ADGRE1: variants seen among roughly 807,000 people sequenced by gnomAD.
The protein encoded by ADGRE1 is adhesion G protein-coupled receptor E1, also known as EGF-like module receptor 1.
Under a neutral mutation model 102.7 loss-of-function variants are expected in ADGRE1, and 82 were observed. The observed-to-expected ratio is 0.80, with a 90% CI of 0.67 to 0.96. The LOEUF is 0.96. Ranked by LOEUF, ADGRE1 falls within the 40% of genes least tolerant of loss-of-function variation. ADGRE1 has a pLI of 0.00. For synonymous variants in ADGRE1, 398 were observed against 399.6 expected, an observed-to-expected ratio of 1.00 and a Z score of 0.05; for missense variants, 1,032 against 1,085.3, an observed-to-expected ratio of 0.95 and a Z score of 0.69.
intron 12 of ADGRE1, among the ~76,000 whole-genome samples, chr19:6,918,485 C>G (rs1334767465): frequency 6.6e-6 from 1 of 151,808 alleles, no homozygotes; most frequent in African/African-American, 2.4e-5. Flanking sequence ...TTTATGATGT[C>G]TGGGGGGACA....
intron 10 of ADGRE1, among the ~76,000 whole-genome samples, chr19:6,910,615 A>C (rs373816): frequency 0.57 from 77,878 of 137,514 alleles, 24,420 homozygotes; most frequent in Non-Finnish European, 0.7. Flanking sequence ...TCTGTTGCCC[A>C]GGCTGCAGTG....
At chr19:6,909,569 T>C (rs913783507) in intron 10 of ADGRE1, among the ~76,000 whole-genome samples, 2 of 87,182 alleles carry the variant, frequency 2.3e-5, no homozygotes, top group East Asian at 5.5e-4. Context: ...TCCTCCTCCT[T>C]CTTCCTTCTT....
At chr19:6,936,702 A>C (rs1227180534) in intron 18 of ADGRE1, among the ~76,000 whole-genome samples, 1 of 150,644 alleles carries the variant, frequency 6.6e-6, no homozygotes, top group East Asian at 2.0e-4. Context: ...GACTCACTGC[A>C]ACCTCCGCCT....
chr19:6,891,136 A>T (rs1052414428), intron 2 of ADGRE1: 3 of 152,250 alleles, frequency 2.0e-5, no homozygotes, highest in African/African-American at 7.2e-5. Context: ...GGTTTCCCCC[A>T]TACTGTTCTC....
chr19:6,937,416 G>C lies in ADGRE1; in HGVS notation c.2550+5G>C. The C allele has an allele frequency of 3.1e-6, 5 of 1,612,240 alleles. No individual in the cohort carries two copies. The South Asian group carries it at 4.4e-5, about 14-fold the overall frequency. ...CACTGTCTGCTCAACGGCCAGGTGT[G>C]TAGCTGCTGCCCTCCCCATCCCCCT... is the stretch of plus-strand genomic sequence containing the variant. On this transcript the variant is annotated splice_donor_5th_base_variant and intron_variant, in intron 19 of 20. Transcript: ENST00000312053.
At chr19:6,901,745 G>A in intron 5 of ADGRE1, 130 bp from the exon 6 acceptor site, 3 of 942,764 alleles carry the variant, frequency 3.2e-6, no homozygotes, top group Non-Finnish European at 4.9e-6. Context: ...GAAGAAGGGG[G>A]GAACATGGAT....
intron 11 of ADGRE1, 47 bp from the exon 12 acceptor site, chr19:6,916,202 C>T (rs1974373299): frequency 6.3e-7 from 1 of 1,583,404 alleles, no homozygotes; most frequent in Non-Finnish European, 8.6e-7. Context: ...AAATTCAGGA[C>T]TGACTTTCTG....
intron 6 of ADGRE1, among the ~76,000 whole-genome samples, chr19:6,902,250 A>C (rs1973790605): frequency 6.6e-6 from 1 of 152,044 alleles, no homozygotes; most frequent in Non-Finnish European, 1.5e-5. Flanking sequence ...ATAACATCCC[A>C]CTGGGGCTTA....
At chr19:6,922,913 T>C (rs1411000173) in intron 14 of ADGRE1, among the ~76,000 whole-genome samples, 2 of 151,450 alleles carry the variant, frequency 1.3e-5, no homozygotes, top group African/African-American at 4.9e-5. Flanking sequence ...CCATCTCTAC[T>C]AAAAATACAA....
At chr19:6,933,632 C>G (rs973317682) in intron 17 of ADGRE1, among the ~76,000 whole-genome samples, 1 of 152,056 alleles carries the variant, frequency 6.6e-6, no homozygotes, top group Non-Finnish European at 1.5e-5. Context: ...GGTGATCCAC[C>G]CACCTTGGCC....
At chr19:6,906,646 T>C in intron 9 of ADGRE1, 125 bp downstream of exon 9, 1 of 750,686 alleles carries the variant, frequency 1.3e-6, no homozygotes, top group Non-Finnish European at 2.2e-6. Flanking sequence ...CAGTTTATTT[T>C]TCTCCTCTGT....
At chr19:6,919,439 C>CGTGTGT (rs1974538774) in intron 12 of ADGRE1, 109 bp from the exon 13 acceptor site, 4 of 522,320 alleles carry the variant, frequency 7.7e-6, no homozygotes, top group Non-Finnish European at 1.2e-5. Context: ...CCCCTCCCTC[C>CGTGTGT]CTCTGTGTGT....
intron 11 of ADGRE1, among the ~76,000 whole-genome samples, 180 bp from the exon 12 acceptor site, chr19:6,916,069 T>C (rs1460999347): frequency 2.0e-5 from 3 of 152,134 alleles, no homozygotes; most frequent in Non-Finnish European, 4.4e-5. Flanking sequence ...ACTCATTTAT[T>C]TGGTGCTATG....
At position 6,898,659 on chromosome 19, in the gene ADGRE1, T is replaced by C. The variant is rs573823007; in HGVS notation, c.514+1112T>C. ...GTGTCAACTCCATGGGAAGCTACAA[T>C]TGCAGCTGTCAAGTTGGATTCATCT... On this transcript the variant is annotated intron_variant, in intron 5 of 20. Transcript: ENST00000312053. The C allele has an allele frequency of 7.0e-6, 9 of 1,289,076 alleles. No individual in the cohort carries two copies. In the Admixed American group the frequency reaches 1.2e-4, roughly 17 times the overall value. The allele number at this position is 1,289,076 out of a possible 1,614,324, so 79.9% of individuals were successfully genotyped here.
intron 6 of ADGRE1, 110 bp from the exon 7 acceptor site, chr19:6,903,700 G>T: frequency 7.0e-7 from 1 of 1,426,052 alleles, no homozygotes; most frequent in South Asian, 1.3e-5. Context: ...TGTAGTCCCT[G>T]GCTGGGACAC....
chr19:6,935,986 T>C (rs1212113045), intron 18 of ADGRE1, among the ~76,000 whole-genome samples: 1 of 152,220 alleles, frequency 6.6e-6, no homozygotes, highest in Non-Finnish European at 1.5e-5. Context: ...TCAATTGTGT[T>C]TCCTAACTTC....
At chr19:6,916,051 G>T (rs535887419) in intron 11 of ADGRE1, among the ~76,000 whole-genome samples, 198 bp from the exon 12 acceptor site, 1 of 151,834 alleles carries the variant, frequency 6.6e-6, no homozygotes, top group Non-Finnish European at 1.5e-5. Context: ...TAAGGCTCCA[G>T]CTGGGTTACT....
intron 2 of ADGRE1, among the ~76,000 whole-genome samples, chr19:6,891,484 C>T (rs895550422): frequency 4.7e-5 from 7 of 149,094 alleles, no homozygotes; most frequent in Non-Finnish European, 1.0e-4. Flanking sequence ...GATAGATTCT[C>T]GCTCTGTTGC....
intron 12 of ADGRE1, among the ~76,000 whole-genome samples, chr19:6,918,033 T>C (rs1478208400): frequency 6.6e-6 from 1 of 151,972 alleles, no homozygotes; most frequent in East Asian, 1.9e-4. Context: ...AGAAGACAGG[T>C]TCAAGGCACA....
Sources: allele counts gnomAD v4.1 joint callset (sites outside exome capture counted in the v4.1 genomes callset), GRCh38; gene constraint gnomAD v4.1.1; transcripts MANE v1.5; gene names NCBI Gene and HGNC (gene_info 2026-07-23, HGNC 2026-07-21).